Variants in DDAH1 observed in about 807,000 individuals in gnomAD.
DDAH1 encodes the protein dimethylarginine dimethylaminohydrolase 1, also known as N(G),N(G)-dimethylarginine dimethylaminohydrolase 1.
A neutral mutation model predicts 28.8 loss-of-function variants in DDAH1; 19 were observed. The ratio of observed to expected loss-of-function variants is 0.66; its 90% CI spans 0.46 to 0.97. The LOEUF is 0.97. DDAH1 is among the 50% of genes least tolerant of loss of function. DDAH1 has a pLI of 0.00. For synonymous variants in DDAH1, 153 were observed against 154.4 expected (o/e 0.99, Z 0.07); for missense variants, 326 against 375.9 (o/e 0.87, Z 1.10).
intron 1 of DDAH1, among the ~76,000 whole-genome samples, chr1:85,372,144 G>C (rs1650417823): frequency 6.6e-6 from 1 of 152,084 alleles, no homozygotes; most frequent in South Asian, 2.1e-4. Context: ...CTGATTCCAG[G>C]CTGAAGCATG....
intron 4 of DDAH1, among the ~76,000 whole-genome samples, chr1:85,340,563 C>A (rs1648410819): frequency 6.6e-6 from 1 of 152,126 alleles, no homozygotes; most frequent in Admixed American, 6.6e-5. Context: ...CTAAGTGGGC[C>A]TCACTTTCTG....
intron 1 of DDAH1, among the ~76,000 whole-genome samples, chr1:85,550,787 G>A (rs1658763900): frequency 6.6e-6 from 1 of 152,074 alleles, no homozygotes; most frequent in Non-Finnish European, 1.5e-5. Flanking sequence ...GGCTCTCCCT[G>A]AGCACGTATG....
chr1:85,545,793 G>A (rs1482475949), intron 1 of DDAH1, among the ~76,000 whole-genome samples: 2 of 152,124 alleles, frequency 1.3e-5, no homozygotes, highest in African/African-American at 4.8e-5. Context: ...GCAGAGGGAG[G>A]AGGGGGGAGA....
chr1:85,492,137 G>A (rs751808585), intron 2 of DDAH1, among the ~76,000 whole-genome samples: 2 of 152,166 alleles, frequency 1.3e-5, no homozygotes, highest in Non-Finnish European at 2.9e-5. Context: ...TTGACTGGCA[G>A]AATTCAGATT....
chr1:85,379,441 A>G, intron 1 of DDAH1: 1 of 248,582 alleles, frequency 4.0e-6, no homozygotes, highest in Non-Finnish European at 6.4e-6. Flanking sequence ...CCACTATTCT[A>G]CAGAAAATTT....
At chr1:85,532,283 T>A (rs1658117012) in intron 1 of DDAH1, among the ~76,000 whole-genome samples, 1 of 150,660 alleles carries the variant, frequency 6.6e-6, no homozygotes, top group African/African-American at 2.5e-5. Context: ...TAAAGGCTAA[T>A]GTAAATTATT....
intron 1 of DDAH1, among the ~76,000 whole-genome samples, chr1:85,372,035 C>CT (rs1303486757): frequency 3.3e-5 from 5 of 151,730 alleles, no homozygotes; most frequent in Admixed American, 6.6e-5. Context: ...TAGTCCTTAG[C>CT]TTTTTTGTGT....
At chr1:85,576,371 T>C (rs1659603949) in intron 1 of DDAH1, among the ~76,000 whole-genome samples, 1 of 152,192 alleles carries the variant, frequency 6.6e-6, no homozygotes, top group African/African-American at 2.4e-5. Context: ...CACAGCCTAC[T>C]GATGGCAGAG....
intron 2 of DDAH1, among the ~76,000 whole-genome samples, chr1:85,481,087 T>A (rs1213098486): frequency 7.5e-6 from 1 of 132,846 alleles, no homozygotes; most frequent in East Asian, 2.2e-4. Context: ...AATCATTTCT[T>A]TGGGTTTTTT....
At chr1:85,349,547 C>T (rs1432029690) in intron 4 of DDAH1, among the ~76,000 whole-genome samples, 1 of 152,218 alleles carries the variant, frequency 6.6e-6, no homozygotes, top group Non-Finnish European at 1.5e-5. Context: ...CCTGACCCAC[C>T]ATTTATTATT....
At chr1:85,569,592 C>T (rs888781620) in intron 1 of DDAH1, among the ~76,000 whole-genome samples, 1 of 152,178 alleles carries the variant, frequency 6.6e-6, no homozygotes, top group Non-Finnish European at 1.5e-5. Flanking sequence ...TGTTTCCAAC[C>T]CCATCTTCGT....
In DDAH1 at chr1:85,319,844, T is replaced by A. The variant is rs1170349608; in HGVS notation, c.*1608A>T. ...AAGGGAAAGATAGTGGTTAAGGATGTTTTCATTTTCTCAGAGGTTTCTCCT... is the reference window on the plus strand; with the variant it reads ...AAGGGAAAGATAGTGGTTAAGGATGATTTCATTTTCTCAGAGGTTTCTCCT... On this transcript the variant is annotated 3_prime_UTR_variant, in exon 6 of 6. Coordinates refer to ENST00000284031, the MANE Select transcript of DDAH1 (RefSeq NM_012137.4). 1 of 109,502 alleles carries A rather than the reference T, an allele frequency of 9.1e-6. No homozygotes were observed. Among genetic ancestry groups the A allele is most frequent in the Non-Finnish European group, 1.9e-5 (1 of 54,012 alleles). 6.8% of individuals were successfully genotyped at this position (109,502 alleles called of 1,614,324 possible).
intron 1 of DDAH1, among the ~76,000 whole-genome samples, chr1:85,506,094 C>T (rs930564712): frequency 2.6e-5 from 4 of 152,240 alleles, no homozygotes; most frequent in Admixed American, 2.0e-4. Flanking sequence ...TATGTAATTC[C>T]GTGACAAGTT....
chr1:85,515,234 A>T (rs1262429383), intron 1 of DDAH1, among the ~76,000 whole-genome samples: 2 of 151,562 alleles, frequency 1.3e-5, no homozygotes, highest in East Asian at 3.9e-4. Flanking sequence ...TTAAAAAAAA[A>T]AAATTACGAG....
At chr1:85,400,177 C>CTTTTTTTTTTTTTTTT (rs61677601) in intron 1 of DDAH1, among the ~76,000 whole-genome samples, 26 of 54,862 alleles carry the variant, frequency 4.7e-4, no homozygotes, top group African/African-American at 1.1e-3. Flanking sequence ...CTTTTCTTTT[C>CTTTTTTTTTTTTTTTT]TTTTTTTTTT....
rs567978421 is a variant in DDAH1, at chr1:85,442,609, C to G, written c.303+22134G>C. Among the ~76,000 whole-genome samples, 16 of 152,342 alleles carry G rather than the reference C, an allele frequency of 1.1e-4. No individual in the cohort carries two copies. In the South Asian group the frequency reaches 2.1e-3, roughly 20 times the overall value. The stretch of plus-strand genomic sequence containing the variant: ...GATCCTTGAGGAATCACCACACTAT[C>G]TTCCACAATGATTGAACTAGTTTAT... On this transcript the variant is annotated intron_variant, in intron 1 of 5. Coordinates refer to ENST00000284031, the MANE Select transcript of DDAH1 (RefSeq NM_012137.4).
intron 1 of DDAH1, among the ~76,000 whole-genome samples, chr1:85,512,916 C>T (rs1218477534): frequency 1.3e-5 from 2 of 152,108 alleles, no homozygotes; most frequent in Non-Finnish European, 2.9e-5. Context: ...GTGAAAATGG[C>T]CATACAGCCT....
intron 2 of DDAH1, among the ~76,000 whole-genome samples, chr1:85,487,976 G>A (rs374392951): frequency 1.3e-5 from 2 of 152,062 alleles, no homozygotes; most frequent in East Asian, 1.9e-4. Flanking sequence ...TGGAGGTCAG[G>A]AGTTCGAGAC....
chr1:85,468,765 G>A (rs757655142), upstream of DDAH1, among the ~76,000 whole-genome samples: 6 of 152,104 alleles, frequency 3.9e-5, no homozygotes, highest in Non-Finnish European at 2.9e-5. Flanking sequence ...TGATCCACCC[G>A]CCTCGGCCTC....
Sources: gnomAD v4.1 joint callset for allele counts (sites outside exome capture counted in the v4.1 genomes callset) on GRCh38, gnomAD v4.1.1 for gene constraint, MANE v1.5 for transcripts, NCBI Gene and HGNC (gene_info 2026-07-23, HGNC 2026-07-21) for gene names.